Variants in RNF157 observed in about 807,000 individuals in gnomAD.
RNF157 encodes E3 ubiquitin ligase RNF157.
RNF157 carries 55 observed loss-of-function variants against 88.3 expected under a neutral mutation model. The observed-to-expected ratio is 0.62, with a 90% CI of 0.50 to 0.78. The LOEUF is 0.78. Ranked by LOEUF, RNF157 falls within the 30% of genes least tolerant of loss-of-function variation. The pLI, the probability that RNF157 is intolerant of heterozygous loss-of-function variation, is 0.00. For synonymous variants in RNF157, 334 were observed against 341.2 expected (o/e 0.98, Z 0.23); for missense variants, 788 against 860.8 (o/e 0.92, Z 1.06).
chr17:76,212,325 C>A, intron 2 of RNF157, 39 bp downstream of exon 2: 1 of 1,395,988 alleles, frequency 7.2e-7, no homozygotes, highest in Non-Finnish European at 1.0e-6. Flanking sequence ...GAATTGGCCA[C>A]TTAAGCTCCA....
At chr17:76,209,293 G>C (rs1248732391) in intron 2 of RNF157, among the ~76,000 whole-genome samples, 1 of 152,108 alleles carries the variant, frequency 6.6e-6, no homozygotes, top group Non-Finnish European at 1.5e-5. Context: ...ATTTCAGAAA[G>C]AGCTCAGTCA....
chr17:76,225,733 C>T (rs1204501606), intron 1 of RNF157: 5 of 1,513,584 alleles, frequency 3.3e-6, no homozygotes, highest in Non-Finnish European at 4.4e-6. Context: ...CACGTTGACA[C>T]TCCTGACCTA....
chr17:76,211,299 A>C (rs953272863), intron 2 of RNF157, among the ~76,000 whole-genome samples: 1 of 152,208 alleles, frequency 6.6e-6, no homozygotes, highest in African/African-American at 2.4e-5. Flanking sequence ...GGCCTCATCC[A>C]ACCCACCATT....
Position 76,202,128 on chromosome 17 carries a change from T to TCTCTCTCA in RNF157, c.207+10235_207+10236insTGAGAGAG, listed in dbSNP as rs1250661867. Among the ~76,000 whole-genome samples, 523 of 134,640 alleles carry TCTCTCTCA rather than the reference T, an allele frequency of 3.9e-3. 4 individuals are homozygous for TCTCTCTCA. Among genetic ancestry groups the TCTCTCTCA allele is most frequent in the African/African-American group, 9.4e-3 (300 of 32,052 alleles). The allele number at this position is 134,640 out of a possible 152,430, so 88.3% of individuals were successfully genotyped here. A position where few individuals can be genotyped will look rare whatever the true frequency, so the allele number is the denominator to read the frequency against. On this transcript the variant is annotated intron_variant, in intron 2 of 18. Coordinates refer to ENST00000269391, the MANE Select transcript of RNF157 (RefSeq NM_052916.3). Reference sequence around the variant, plus strand: ...ATCTCAGTTTCTCTCTCTCTCTCTCTCACACACACACACACACACACACAC... The same window carrying TCTCTCTCA: ...ATCTCAGTTTCTCTCTCTCTCTCTCTCTCTCTCACACACACACACACACACACACACAC...
chr17:76,224,313 A>G (rs976267038), intron 1 of RNF157, among the ~76,000 whole-genome samples: 4 of 152,214 alleles, frequency 2.6e-5, no homozygotes, highest in African/African-American at 7.2e-5. Flanking sequence ...GTCTGCCTCA[A>G]TAAGATATTG....
At chr17:76,153,878 TC>T (rs2068720149) in intron 17 of RNF157, 3 of 177,542 alleles carry the variant, frequency 1.7e-5, no homozygotes, top group South Asian at 2.5e-4. Context: ...CAAATAGTCC[TC>T]CCCCTCCCCC....
rs1313685244 is a variant in RNF157 at position 76,164,622 on chromosome 17, A to T, written c.720+126T>A. The T allele has an allele frequency of 9.4e-6, 5 of 531,762 alleles. No individual in the cohort carries two copies. The East Asian group carries it at 1.3e-4, about 14-fold the overall frequency. 32.9% of individuals were successfully genotyped at this position (531,762 alleles called of 1,614,324 possible). ...TTTTCTTCTTTGATTAAAAAAAAAA[A>T]AAGAGGAAAAGGAGAGAGCAAAAAG... On this transcript the variant is annotated intron_variant, in intron 8 of 18. Transcript: ENST00000269391.
chr17:76,211,737 G>A (rs991580881), intron 2 of RNF157: 16 of 152,198 alleles, frequency 1.1e-4, no homozygotes, highest in Admixed American at 3.3e-4. Context: ...CCTAGCACAC[G>A]GTAGCCACTC....
intron 2 of RNF157, chr17:76,175,884 T>C: frequency 1.6e-6 from 1 of 644,098 alleles, no homozygotes; most frequent in Non-Finnish European, 1.9e-6. Flanking sequence ...CCATTTTGAA[T>C]ATATTTGATG....
In RNF157 at chr17:76,215,396, G is replaced by C. The variant is rs1598436271; in HGVS notation, c.89-2914C>G. 2.0e-5 allele frequency among the ~76,000 whole-genome samples: 3 copies of C among 151,776 alleles called. No individual in the cohort carries two copies. The South Asian group carries it at 6.2e-4, about 32-fold the overall frequency. ...AGGCTGACGCAGAAGGGTCGCTTGAGTTCAGGAGTTCAAGGTTGCAGCGAG... is the reference window on the plus strand; with the variant it reads ...AGGCTGACGCAGAAGGGTCGCTTGACTTCAGGAGTTCAAGGTTGCAGCGAG... On this transcript the variant is annotated intron_variant, in intron 1 of 18. Transcript: ENST00000269391.
chr17:76,216,391 T>C (rs1438221543), intron 1 of RNF157, among the ~76,000 whole-genome samples: 1 of 152,148 alleles, frequency 6.6e-6, no homozygotes, highest in African/African-American at 2.4e-5. Flanking sequence ...TGCCATAATA[T>C]TAAAAGAAAA....
intron 2 of RNF157, among the ~76,000 whole-genome samples, chr17:76,175,459 C>T (rs2069088440): frequency 6.6e-6 from 1 of 152,156 alleles, no homozygotes; most frequent in African/African-American, 2.4e-5. Flanking sequence ...TGCCCTCCTG[C>T]AAGCAGTGCA....
chr17:76,152,223 C>A, intron 18 of RNF157, 132 bp downstream of exon 18: 1 of 667,366 alleles, frequency 1.5e-6, no homozygotes, highest in South Asian at 1.8e-5. Flanking sequence ...CAACTGGTCT[C>A]CAGCACTAGC....
At chr17:76,154,150 G>A (rs531398564) in intron 17 of RNF157, 133 bp downstream of exon 17, 23 of 716,552 alleles carry the variant, frequency 3.2e-5, no homozygotes, top group African/African-American at 5.3e-5. Flanking sequence ...TTAAGAAGAC[G>A]ATCTTTCCTC....
intron 1 of RNF157, among the ~76,000 whole-genome samples, chr17:76,237,679 T>C (rs1340961145): frequency 1.3e-5 from 2 of 152,196 alleles, no homozygotes; most frequent in East Asian, 3.8e-4. Context: ...TTCATTTCTC[T>C]GGGTCTCCAT....
In RNF157 at chr17:76,145,532, A is replaced by C; in HGVS notation, c.1922-179T>G. ...AGAACGGAGAGAAGCAGGTGCTGAC[A>C]GGTGCAGAGCCTGCTCCTGCCCCCT... On this transcript the variant is annotated intron_variant, in intron 18 of 18. Coordinates refer to ENST00000269391, the MANE Select transcript of RNF157 (RefSeq NM_052916.3). 6 of 576,466 alleles carry C rather than the reference A, an allele frequency of 1.0e-5. No individual in the cohort carries two copies. In the Admixed American group the frequency reaches 1.5e-4, roughly 15 times the overall value. The allele number at this position is 576,466 out of a possible 1,614,324, so 35.7% of individuals were successfully genotyped here.
At chr17:76,151,757 T>C (rs1264251265) in intron 18 of RNF157, among the ~76,000 whole-genome samples, 1 of 152,210 alleles carries the variant, frequency 6.6e-6, no homozygotes, top group Non-Finnish European at 1.5e-5. Flanking sequence ...TGATCACCTG[T>C]GAAGTTACAG....
At chr17:76,165,275 C>G (rs1345225090) in intron 7 of RNF157, among the ~76,000 whole-genome samples, 1 of 152,068 alleles carries the variant, frequency 6.6e-6, no homozygotes, top group Non-Finnish European at 1.5e-5. Flanking sequence ...TCCAGTCTAG[C>G]CTTTCTTTCT....
chr17:76,184,792 G>A (rs1291527648), intron 2 of RNF157, among the ~76,000 whole-genome samples: 1 of 152,166 alleles, frequency 6.6e-6, no homozygotes, highest in Non-Finnish European at 1.5e-5. Context: ...AAAATGCTTT[G>A]TCTTCAGATT....
Sources: gnomAD v4.1 joint callset for allele counts (sites outside exome capture counted in the v4.1 genomes callset) on GRCh38, gnomAD v4.1.1 for gene constraint, MANE v1.5 for transcripts, NCBI Gene and HGNC (gene_info 2026-07-23, HGNC 2026-07-21) for gene names.